The following REPS2 variants were observed in gnomAD, a reference collection of about 807,000 sequenced individuals.
REPS2 encodes ralBP1-associated Eps domain-containing protein 2.
Under a neutral mutation model 53.6 loss-of-function variants are expected in REPS2, and 23 were observed. That is an observed-to-expected ratio of 0.43 (90% CI 0.31 to 0.61). REPS2 has a LOEUF of 0.61. Among genes scored for constraint, REPS2 ranks in the 20% least tolerant of loss-of-function variants. The pLI is 0.11. For missense variants in REPS2, 446 were observed against 534.9 expected (o/e 0.83, Z 1.64); for synonymous variants, 238 against 218.6 (o/e 1.09, Z -0.78).
At chrX:17,143,884 G>T (rs2063479103) in intron 17 of REPS2, among the ~76,000 whole-genome samples, 1 of 111,512 alleles carries the variant, frequency 9.0e-6, no homozygotes, top group Non-Finnish European at 1.9e-5. Context: ...AATAGTTTGT[G>T]TTTGTTGTGT....
intron 13 of REPS2, among the ~76,000 whole-genome samples, chrX:17,084,214 G>T (rs1342524454): frequency 1.8e-5 from 2 of 111,296 alleles, no homozygotes; most frequent in African/African-American, 6.6e-5. Context: ...TTAGTATAAT[G>T]TTCTCAAGGT....
the REPS2 span, among the ~76,000 whole-genome samples, chrX:17,191,762 A>C: frequency 1.5e-4 from 17 of 112,704 alleles, no homozygotes; most frequent in Admixed American, 8.4e-4. Flanking sequence ...TAACTGAAAG[A>C]AGTCAGGCCC....
intron 8 of REPS2, among the ~76,000 whole-genome samples, chrX:17,055,492 G>A: frequency 1.7e-5 from 1 of 59,968 alleles, no homozygotes; most frequent in East Asian, 5.7e-4. Context: ...TAGGTCTAAC[G>A]TTTAAATCTT....
chrX:17,087,380 T>C (rs188503158), intron 13 of REPS2, among the ~76,000 whole-genome samples: 1 of 111,367 alleles, frequency 9.0e-6, no homozygotes, highest in African/African-American at 3.3e-5. Flanking sequence ...GGGAGGAGTG[T>C]ATTACAGGAA....
chrX:17,025,634 A>G (rs1487417029), intron 4 of REPS2, among the ~76,000 whole-genome samples: 1 of 112,315 alleles, frequency 8.9e-6, no homozygotes, highest in Non-Finnish European at 1.9e-5. Context: ...GTAAATGAAA[A>G]TATATAGGTC....
intron 1 of REPS2, among the ~76,000 whole-genome samples, chrX:16,972,891 G>A (rs1388419925): frequency 1.8e-5 from 2 of 111,511 alleles, no homozygotes; most frequent in Non-Finnish European, 3.8e-5. Flanking sequence ...TAGGAAATTA[G>A]TCTTGGTACA....
intron 1 of REPS2, among the ~76,000 whole-genome samples, chrX:16,971,427 A>G (rs1429495673): frequency 8.9e-6 from 1 of 112,449 alleles, no homozygotes; most frequent in African/African-American, 3.2e-5. Context: ...TATTTTAGTC[A>G]TCTATCAGAT....
chrX:17,090,559 T>G (rs1602985272), intron 13 of REPS2, among the ~76,000 whole-genome samples: 1 of 112,206 alleles, frequency 8.9e-6, no homozygotes, highest in Middle Eastern at 4.6e-3. Context: ...TCTACTCAAA[T>G]CATGCTCATT....
intron 8 of REPS2, among the ~76,000 whole-genome samples, chrX:17,056,546 T>C (rs1185329107): frequency 9.1e-6 from 1 of 110,222 alleles, no homozygotes; most frequent in African/African-American, 3.3e-5. Flanking sequence ...AAGAAAAAAA[T>C]TAGCCGGGTG....
chrX:17,071,787 T>A (rs2062310176), intron 11 of REPS2, among the ~76,000 whole-genome samples: 1 of 111,769 alleles, frequency 8.9e-6, no homozygotes, highest in Non-Finnish European at 1.9e-5. Context: ...TCCATTCCCA[T>A]TTCCTGGAAA....
At chrX:17,064,992 T>C (rs1350371788) in intron 9 of REPS2, among the ~76,000 whole-genome samples, 2 of 112,827 alleles carry the variant, frequency 1.8e-5, no homozygotes, top group African/African-American at 6.4e-5. Flanking sequence ...AATATTGCAT[T>C]GTATGGATAT....
In REPS2 at chrX:17,109,855, A is replaced by G. The variant is rs1461660744; in HGVS notation, c.1578+6076A>G. 2.7e-5 allele frequency among the ~76,000 whole-genome samples: 3 copies of G among 112,724 alleles called. No homozygotes were observed. The Admixed American group carries it at 2.8e-4, about 11-fold the overall frequency. ...TCTTTTTCAAAGACTAATTTTTTAG[A>G]CACAACTTTTTATAAAATACTACAT... On this transcript the variant is annotated intron_variant, in intron 14 of 17. Transcript: ENST00000357277.
chrX:17,193,406 T>C, the REPS2 span, among the ~76,000 whole-genome samples: 1 of 111,516 alleles, frequency 9.0e-6, no homozygotes. Context: ...GGATGTGGAA[T>C]GGGAGTGGCA....
intron 6 of REPS2, among the ~76,000 whole-genome samples, chrX:17,048,871 A>G (rs1277934796): frequency 1.8e-5 from 2 of 112,868 alleles, no homozygotes; most frequent in South Asian, 3.6e-4. Flanking sequence ...TTAGCTTATT[A>G]TGTATTTATT....
the REPS2 span, among the ~76,000 whole-genome samples, chrX:17,164,076 G>A: frequency 8.9e-6 from 1 of 111,905 alleles, no homozygotes; most frequent in Non-Finnish European, 1.9e-5. Context: ...AACTATGTAG[G>A]AGAAAAGTTT....
chrX:16,955,203 T>C (rs906178204), intron 1 of REPS2, among the ~76,000 whole-genome samples: 10 of 111,206 alleles, frequency 9.0e-5, no homozygotes, highest in Non-Finnish European at 1.7e-4. Flanking sequence ...TCATGTTTTG[T>C]ATTGATGGCA....
At chrX:16,992,296 A>G (rs1391812820) in intron 1 of REPS2, among the ~76,000 whole-genome samples, 1 of 111,490 alleles carries the variant, frequency 9.0e-6, no homozygotes, top group Non-Finnish European at 1.9e-5. Flanking sequence ...CCCTCACTAT[A>G]CACTGAATCT....
intron 1 of REPS2, among the ~76,000 whole-genome samples, chrX:16,996,424 A>G (rs1198563534): frequency 8.9e-6 from 1 of 111,774 alleles, no homozygotes; most frequent in Non-Finnish European, 1.9e-5. Context: ...CTGGGAGAAC[A>G]GTCAAGAACA....
At chrX:16,953,135 ACACACACAC>A (rs2060542968) in intron 1 of REPS2, among the ~76,000 whole-genome samples, 3 of 107,103 alleles carry the variant, frequency 2.8e-5, no homozygotes, top group African/African-American at 1.0e-4. Flanking sequence ...ACACACACAC[ACACACACAC>A]AAACACACAA....
Sources: gnomAD v4.1 joint callset for allele counts (sites outside exome capture counted in the v4.1 genomes callset) on GRCh38, gnomAD v4.1.1 for gene constraint, MANE v1.5 for transcripts, NCBI Gene and HGNC (gene_info 2026-07-23, HGNC 2026-07-21) for gene names.